Variants in DOCK5 observed in about 807,000 individuals in gnomAD.
DOCK5 encodes the protein dedicator of cytokinesis 5, also known as dedicator of cytokinesis protein 5.
DOCK5 carries 142 observed loss-of-function variants against 251.8 expected under a neutral mutation model. The ratio of observed to expected loss-of-function variants is 0.56; its 90% CI spans 0.49 to 0.65. DOCK5 has a LOEUF of 0.65. DOCK5 is among the 30% of genes least tolerant of loss of function. The pLI is 0.00. For missense variants in DOCK5, 2,111 were observed against 2,312.3 expected, an observed-to-expected ratio of 0.91 and a Z score of 1.79; for synonymous variants, 842 against 835.5, an observed-to-expected ratio of 1.01 and a Z score of -0.13.
At chr8:25,260,926 G>C (rs1046058163) in intron 2 of DOCK5, among the ~76,000 whole-genome samples, 1 of 152,030 alleles carries the variant, frequency 6.6e-6, no homozygotes, top group African/African-American at 2.4e-5. Flanking sequence ...TTCCCTAGTA[G>C]CTAGGACTAT....
intron 18 of DOCK5, 67 bp downstream of exon 18, chr8:25,325,614 G>T: frequency 6.4e-7 from 1 of 1,571,324 alleles, no homozygotes; most frequent in South Asian, 1.2e-5. Flanking sequence ...CCTTGGTTAG[G>T]CTCACAGGGC....
intron 39 of DOCK5, among the ~76,000 whole-genome samples, chr8:25,382,301 A>G (rs374475861): frequency 6.6e-6 from 1 of 152,136 alleles, no homozygotes; most frequent in Non-Finnish European, 1.5e-5. Flanking sequence ...ATCTTCTCCC[A>G]TGGGTGTCTG....
At chr8:25,213,625 C>A (rs1458617579) in intron 1 of DOCK5, among the ~76,000 whole-genome samples, 1 of 152,100 alleles carries the variant, frequency 6.6e-6, no homozygotes, top group Non-Finnish European at 1.5e-5. Flanking sequence ...TTGAAATAGC[C>A]TTCAGGGAGG....
chr8:25,383,639 G>A (rs1801108321), intron 40 of DOCK5, among the ~76,000 whole-genome samples: 1 of 152,204 alleles, frequency 6.6e-6, no homozygotes, highest in African/African-American at 2.4e-5. Flanking sequence ...CAGATCACTT[G>A]ACGTCAGGGG....
intron 38 of DOCK5, among the ~76,000 whole-genome samples, chr8:25,377,716 A>G (rs1302932749): frequency 6.6e-6 from 1 of 152,116 alleles, no homozygotes; most frequent in South Asian, 2.1e-4. Context: ...TAACCATTCC[A>G]GTTTCATCAG....
In DOCK5 at chr8:25,365,999, T is replaced by C. The variant is rs1800768093; in HGVS notation, c.3124-871T>C. ...GCAGTTCTTTGGTACTCTGTTAATCTGTTTTCCTTTTTCAATGATCTGTGA... is the reference window on the plus strand; with the variant it reads ...GCAGTTCTTTGGTACTCTGTTAATCCGTTTTCCTTTTTCAATGATCTGTGA... On this transcript the variant is annotated intron_variant, in intron 30 of 51. Coordinates refer to ENST00000276440, the MANE Select transcript of DOCK5 (RefSeq NM_024940.8). Among the ~76,000 whole-genome samples the C allele has an allele frequency of 2.0e-5, 3 of 152,240 alleles. No homozygotes were observed. The South Asian group carries it at 6.2e-4, about 31-fold the overall frequency.
At chr8:25,358,938 AT>A (rs1800626842) in intron 27 of DOCK5, 24 bp from the exon 28 acceptor site, 6 of 1,607,736 alleles carry the variant, frequency 3.7e-6, no homozygotes, top group Middle Eastern at 1.7e-4. Context: ...GGAGTCTTGG[AT>A]TTGTGCTTTC....
At chr8:25,276,003 C>T (rs1804036131) in intron 4 of DOCK5, among the ~76,000 whole-genome samples, 1 of 152,116 alleles carries the variant, frequency 6.6e-6, no homozygotes, top group Non-Finnish European at 1.5e-5. Flanking sequence ...ACAGAAGTAG[C>T]AAAAACTGAG....
At chr8:25,332,465 C>T (rs1042947783) in intron 19 of DOCK5, 117 bp downstream of exon 19, 28 of 1,188,946 alleles carry the variant, frequency 2.4e-5, no homozygotes, top group South Asian at 1.9e-4. Flanking sequence ...ATAAAATCTA[C>T]GTTGTTAAAC....
chr8:25,346,954 G>A (rs182091454), intron 26 of DOCK5, among the ~76,000 whole-genome samples: 5 of 152,144 alleles, frequency 3.3e-5, no homozygotes, highest in East Asian at 1.9e-4. Context: ...GTGTTCACTC[G>A]AACAGTTGAG....
intron 25 of DOCK5, among the ~76,000 whole-genome samples, chr8:25,343,482 C>T (rs960856292): frequency 5.9e-5 from 9 of 152,214 alleles, no homozygotes; most frequent in Non-Finnish European, 7.4e-5. Flanking sequence ...ATCATGTGTT[C>T]CTTAATCTTT....
intron 40 of DOCK5, among the ~76,000 whole-genome samples, chr8:25,386,625 T>C (rs1801168969): frequency 6.6e-6 from 1 of 151,382 alleles, no homozygotes. Flanking sequence ...ATAGAAAGAG[T>C]GTAGGGTCTA....
chr8:25,192,813 A>G lies in DOCK5; in HGVS notation c.43+7862A>G, dbSNP rs149574879. On this transcript the variant is annotated intron_variant, in intron 1 of 51. Coordinates refer to ENST00000276440, the MANE Select transcript of DOCK5 (RefSeq NM_024940.8). ...AGGCGCCAGCTACCACGCTCAGCCT[A>G]TACTATTTTCTATGTTATATTTTCT... Among the ~76,000 whole-genome samples, 302 of 152,278 alleles carry G rather than the reference A, an allele frequency of 2.0e-3. 2 individuals are homozygous for G. The highest frequency in any genetic ancestry group is 6.9e-3 in the African/African-American group (285 of 41,546).
At chr8:25,217,241 A>G (rs1802271874) in intron 1 of DOCK5, among the ~76,000 whole-genome samples, 1 of 150,874 alleles carries the variant, frequency 6.6e-6, no homozygotes, top group African/African-American at 2.4e-5. Flanking sequence ...ATATATGTAT[A>G]CAATATGTAT....
At chr8:25,404,697 G>C (rs1801494121) in intron 48 of DOCK5, among the ~76,000 whole-genome samples, 2 of 151,516 alleles carry the variant, frequency 1.3e-5, no homozygotes, top group Admixed American at 1.3e-4. Context: ...TTAAACACAT[G>C]TTATTTTGTA....
At chr8:25,218,728 A>G (rs1437858591) in intron 1 of DOCK5, among the ~76,000 whole-genome samples, 2 of 152,186 alleles carry the variant, frequency 1.3e-5, no homozygotes, top group Non-Finnish European at 2.9e-5. Context: ...ACAATTAAGG[A>G]CTGTCTTGTG....
intron 2 of DOCK5, among the ~76,000 whole-genome samples, chr8:25,247,917 C>G (rs113288906): frequency 1.3e-5 from 2 of 152,110 alleles, no homozygotes; most frequent in African/African-American, 4.8e-5. Flanking sequence ...TAGTCCTGCC[C>G]GCAAGAAACC....
chr8:25,363,904 C>A (rs530561451), intron 29 of DOCK5, among the ~76,000 whole-genome samples: 1 of 152,370 alleles, frequency 6.6e-6, no homozygotes, highest in Non-Finnish European at 1.5e-5. Context: ...ACCTGGATGT[C>A]ATCTCTTCTT....
chr8:25,333,862 C>G (rs1370707784), intron 20 of DOCK5, among the ~76,000 whole-genome samples: 3 of 152,104 alleles, frequency 2.0e-5, no homozygotes, highest in African/African-American at 7.2e-5. Flanking sequence ...AGGATGCTGG[C>G]TTGAGTTGGT....
Sources: gnomAD v4.1 joint callset for allele counts (sites outside exome capture counted in the v4.1 genomes callset) on GRCh38, gnomAD v4.1.1 for gene constraint, MANE v1.5 for transcripts, NCBI Gene and HGNC (gene_info 2026-07-23, HGNC 2026-07-21) for gene names.